ABTB2: variants seen among roughly 807,000 people sequenced by gnomAD.
The protein encoded by ABTB2 is ankyrin repeat and BTB domain containing 2.
In ABTB2, 56 loss-of-function variants were observed where a neutral mutation model predicts 104.1. The ratio of observed to expected loss-of-function variants is 0.54; its 90% confidence interval spans 0.43 to 0.67. The LOEUF is 0.67. Ranked by LOEUF, ABTB2 falls within the 30% of genes least tolerant of loss-of-function variation. The pLI is 0.00. For synonymous variants in ABTB2, 606 were observed against 608.2 expected, an observed-to-expected ratio of 1.00 and a Z score of 0.05; for missense variants, 1,279 against 1,407.7, an observed-to-expected ratio of 0.91 and a Z score of 1.46.
chr11:34,211,831 GT>G (rs1853483655), intron 1 of ABTB2, among the ~76,000 whole-genome samples: 1 of 148,078 alleles, frequency 6.8e-6, no homozygotes, highest in Non-Finnish European at 1.5e-5. Context: ...AGAGGTTGCA[GT>G]GAGCCGAGAT....
At position 34,228,720 on chromosome 11, in the gene ABTB2, T is replaced by C. The variant is rs532630841; in HGVS notation, c.884-24030A>G. Among the ~76,000 whole-genome samples the C allele has an allele frequency of 2.6e-5, 4 of 152,280 alleles. No homozygotes were observed. The East Asian group carries it at 7.7e-4, about 29-fold the overall frequency. ...GAACCACCATGCTTGTTTTCCACAG[T>C]GACTTCACCATTTTACGTTCCTACC... On this transcript the variant is annotated intron_variant, in intron 1 of 16. Transcript: ENST00000435224.
At chr11:34,179,465 C>T (rs866199749) in intron 3 of ABTB2, among the ~76,000 whole-genome samples, 4 of 152,178 alleles carry the variant, frequency 2.6e-5, no homozygotes, top group Admixed American at 1.3e-4. Context: ...GGCGCTGGCA[C>T]AGAGCTGGCA....
chr11:34,243,195 G>A (rs1474196712), intron 1 of ABTB2, among the ~76,000 whole-genome samples: 2 of 152,332 alleles, frequency 1.3e-5, no homozygotes, highest in East Asian at 3.8e-4. Flanking sequence ...GACCAGCAAA[G>A]AGACGTGTGA....
intron 1 of ABTB2, among the ~76,000 whole-genome samples, chr11:34,255,270 G>A (rs1044007670): frequency 5.9e-5 from 9 of 152,054 alleles, no homozygotes; most frequent in Non-Finnish European, 1.3e-4. Context: ...TAATTGTCCT[G>A]CCCAGGAGCC....
Position 34,197,543 on chromosome 11 carries a change from TG to T in ABTB2, c.1031-6del, listed in dbSNP as rs1374083789. On this transcript the variant is annotated splice_polypyrimidine_tract_variant and splice_region_variant and intron_variant, in intron 2 of 16. Transcript: ENST00000435224. ...TGGCACGGGAGACCAAGTCACCTGG[TG>T]GGGGGCGGGGAGGGCAGAGGGGAGG... 7.7e-6 allele frequency: 12 copies of T among 1,552,250 alleles called. No homozygotes were observed. The highest frequency in any genetic ancestry group is 5.8e-5 in the South Asian group (5 of 86,580).
At chr11:34,349,465 T>C (rs1279361599) in intron 1 of ABTB2, among the ~76,000 whole-genome samples, 1 of 152,168 alleles carries the variant, frequency 6.6e-6, no homozygotes, top group Non-Finnish European at 1.5e-5. Flanking sequence ...GCCTTGCGAG[T>C]AATACCCATC....
chr11:34,166,894 C>T (rs7109618), intron 7 of ABTB2, among the ~76,000 whole-genome samples: 72 of 152,212 alleles, frequency 4.7e-4, no homozygotes, highest in East Asian at 3.5e-3. Flanking sequence ...GTAGAATTCA[C>T]GAGGGAGGAG....
chr11:34,256,114 T>C (rs1165582962), intron 1 of ABTB2, among the ~76,000 whole-genome samples: 1 of 146,068 alleles, frequency 6.8e-6, no homozygotes, highest in Admixed American at 6.8e-5. Flanking sequence ...AACCAAAGAG[T>C]CTCAGCAACT....
At chr11:34,175,789 C>A (rs1852953007) in intron 3 of ABTB2, among the ~76,000 whole-genome samples, 1 of 152,242 alleles carries the variant, frequency 6.6e-6, no homozygotes, top group South Asian at 2.1e-4. Context: ...CTCACCCTAT[C>A]TCCTGCCGTG....
chr11:34,249,117 G>A (rs1252200127), intron 1 of ABTB2, among the ~76,000 whole-genome samples: 1 of 152,190 alleles, frequency 6.6e-6, no homozygotes, highest in Non-Finnish European at 1.5e-5. Context: ...CAACAAGAGC[G>A]AAACTCTGTC....
At chr11:34,334,504 G>A (rs1232218183) in intron 1 of ABTB2, among the ~76,000 whole-genome samples, 2 of 152,100 alleles carry the variant, frequency 1.3e-5, no homozygotes, top group Non-Finnish European at 2.9e-5. Flanking sequence ...TTAACCTCAG[G>A]TGCACAAATT....
At chr11:34,172,407 T>G (rs1309358300) in intron 4 of ABTB2, among the ~76,000 whole-genome samples, 1 of 67,744 alleles carries the variant, frequency 1.5e-5, no homozygotes, top group Admixed American at 1.5e-4. Context: ...TATATATATA[T>G]ATATATATAT....
Position 34,152,571 on chromosome 11 carries a change from G to T in ABTB2, c.2894C>A (p.Pro965Gln). The change falls in exon 17 of 17, where the codon CCA (proline) becomes CAA (glutamine). Residue 965 changes from proline to glutamine, a missense_variant. By Grantham distance (76) the Pro-to-Gln change is moderately conservative. Coordinates refer to ENST00000435224, the MANE Select transcript of ABTB2 (RefSeq NM_145804.3). Reference sequence around the variant, plus strand: ...GCCCTCACAGAACAGGGCCAGTTCTGGGGCATTGTGGATCTGTAGGGCAGA... The same window carrying T: ...GCCCTCACAGAACAGGGCCAGTTCTTGGGCATTGTGGATCTGTAGGGCAGA... The part of the protein sequence containing the change: ...TYKYAKIHNA[P>Q]ELALFCEGFF... The T allele has an allele frequency of 6.2e-7, 1 of 1,612,532 alleles. No homozygotes were observed. Among genetic ancestry groups the T allele is most frequent in the South Asian group, 1.1e-5 (1 of 90,648 alleles).
Position 34,241,830 on chromosome 11 carries a change from C to T in ABTB2, c.884-37140G>A, listed in dbSNP as rs114033471. Among the ~76,000 whole-genome samples the T allele has an allele frequency of 8.3e-3, 1,269 of 152,306 alleles. 17 individuals are homozygous for T. Among genetic ancestry groups the T allele is most frequent in the African/African-American group, 0.03 (1,230 of 41,568 alleles). ...ATTCTAACATGTAAATGTTTCCCCC[C>T]TTCATCATCACTGAACCATATCAAG... On this transcript the variant is annotated intron_variant, in intron 1 of 16. Transcript: ENST00000435224.
At chr11:34,314,184 A>G (rs1854895538) in intron 1 of ABTB2, among the ~76,000 whole-genome samples, 2 of 152,214 alleles carry the variant, frequency 1.3e-5, no homozygotes, top group Admixed American at 1.3e-4. Flanking sequence ...AAAACCCTCG[A>G]GGGTCATGTG....
chr11:34,166,226 A>G (rs1028875333), intron 7 of ABTB2, among the ~76,000 whole-genome samples: 6 of 152,350 alleles, frequency 3.9e-5, no homozygotes, highest in East Asian at 1.9e-4. Context: ...CTTCCCCTGG[A>G]TACCAGGAGT....
chr11:34,157,000 C>A (rs1852637776), intron 14 of ABTB2, among the ~76,000 whole-genome samples: 1 of 152,160 alleles, frequency 6.6e-6, no homozygotes, highest in East Asian at 1.9e-4. Context: ...TGTCCTTGGG[C>A]CTCTGTTTCC....
intron 1 of ABTB2, among the ~76,000 whole-genome samples, chr11:34,334,140 G>A (rs1286727972): frequency 6.6e-6 from 1 of 152,046 alleles, no homozygotes; most frequent in Non-Finnish European, 1.5e-5. Context: ...TCCTTCTCTT[G>A]GAAGGAAAAT....
intron 1 of ABTB2, among the ~76,000 whole-genome samples, chr11:34,263,303 G>A (rs1854210024): frequency 6.6e-6 from 1 of 152,056 alleles, no homozygotes; most frequent in South Asian, 2.1e-4. Context: ...TTTAGGTTCT[G>A]GTTAGAAATT....
Sources: allele counts gnomAD v4.1 joint callset (sites outside exome capture counted in the v4.1 genomes callset), GRCh38; gene constraint gnomAD v4.1.1; transcripts MANE v1.5; gene names NCBI Gene and HGNC (gene_info 2026-07-23, HGNC 2026-07-21).